Variants in ZNF217 observed in about 807,000 individuals in gnomAD.
The protein encoded by ZNF217 is zinc finger protein 217.
Under a neutral mutation model 73.3 loss-of-function variants are expected in ZNF217, and 12 were observed. The ratio of observed to expected loss-of-function variants is 0.16; its 90% CI spans 0.10 to 0.27. The LOEUF (loss-of-function observed/expected upper bound fraction) is 0.27. Among genes scored for constraint, ZNF217 ranks in the 10% least tolerant of loss-of-function variants. The pLI is 1.00. For synonymous variants in ZNF217, 588 were observed against 516.4 expected (o/e 1.14, Z -1.88); for missense variants, 1,195 against 1,327.8 (o/e 0.90, Z 1.55).
At chr20:53,592,934 G>A (rs1367026334) in intron 1 of ZNF217, among the ~76,000 whole-genome samples, 1 of 151,744 alleles carries the variant, frequency 6.6e-6, no homozygotes, top group Non-Finnish European at 1.5e-5. Flanking sequence ...TCTGCTTCCA[G>A]CTGGCTTTGG....
upstream of ZNF217, chr20:53,593,863 A>AGGGGGCGGG (rs1412175190): frequency 1.2e-4 from 2 of 16,430 alleles, no homozygotes; most frequent in Non-Finnish European, 1.3e-4. Context: ...CGCGGAGGGG[A>AGGGGGCGGG]GGGGGCGGGG....
intron 5 of ZNF217, among the ~76,000 whole-genome samples, chr20:53,571,210 A>G (rs1274013199): frequency 1.3e-5 from 2 of 152,184 alleles, no homozygotes; most frequent in African/African-American, 2.4e-5. Flanking sequence ...TTCAATGCCT[A>G]GCACAAAGTA....
rs144605820 is a variant in ZNF217, at chr20:53,591,199, A to G, written c.-343+2557T>C. On this transcript the variant is annotated intron_variant, in intron 1 of 5. Transcript: ENST00000371471. ...GGAATAGGAACCCAACACAACTGCT[A>G]AACTTCGATCTCACAAGTTACTAAA... Among the ~76,000 whole-genome samples, 588 of 152,320 alleles carry G rather than the reference A, an allele frequency of 3.9e-3. 3 individuals are homozygous for G. Among genetic ancestry groups the G allele is most frequent in the Non-Finnish European group, 7.2e-3 (492 of 68,024 alleles).
intron 3 of ZNF217, 51 bp downstream of exon 3, chr20:53,578,283 A>G (rs772071087): frequency 5.5e-6 from 7 of 1,271,706 alleles, no homozygotes; most frequent in Admixed American, 4.8e-5. Flanking sequence ...AAAAAATTAG[A>G]TAACTACATA....
In ZNF217 at chr20:53,582,968, C is replaced by A. The variant is rs1600725295; in HGVS notation, c.-142G>T. The stretch of plus-strand genomic sequence containing the variant: ...AAAAGTTCAAAAGAAAGTGTATAGT[C>A]CTCTAACTTCTTCGAACTTTTAGGA... On this transcript the variant is annotated 5_prime_UTR_variant, in exon 2 of 6. Coordinates refer to ENST00000371471, the MANE Select transcript of ZNF217 (RefSeq NM_006526.3). The surrounding 1 kb of genome is among the most constrained non-coding windows in gnomAD (Gnocchi z 4.8). 1 of 866,186 alleles carries A rather than the reference C, an allele frequency of 1.2e-6. No individual in the cohort carries two copies. Among genetic ancestry groups the A allele is most frequent in the South Asian group, 2.0e-5 (1 of 51,196 alleles). The allele number at this position is 866,186 out of a possible 1,614,324, so 53.7% of individuals were successfully genotyped here.
chr20:53,567,674 A>AT lies in ZNF217; in HGVS notation c.*1613dup. On this transcript the variant is annotated 3_prime_UTR_variant, in exon 6 of 6. Coordinates refer to ENST00000371471, the MANE Select transcript of ZNF217 (RefSeq NM_006526.3). ...AAAACAAAATCTAGATTATGTACAT[A>AT]TGGCTCAGCTTGTGAACAGGAAAAA... 6.6e-6 allele frequency: 1 copy of AT among 152,656 alleles called. No individual in the cohort carries two copies. The highest frequency in any genetic ancestry group is 1.5e-5 in the Non-Finnish European group (1 of 68,042). The allele number at this position is 152,656 out of a possible 1,614,324, so 9.5% of individuals were successfully genotyped here.
chr20:53,590,648 C>A (rs1489010166), intron 1 of ZNF217, among the ~76,000 whole-genome samples: 1 of 152,022 alleles, frequency 6.6e-6, no homozygotes, highest in Non-Finnish European at 1.5e-5. Flanking sequence ...TCTTTTGGGA[C>A]CCCTGAGGCT....
At chr20:53,577,384 T>C in intron 3 of ZNF217, 104 bp from the exon 4 acceptor site, 1 of 1,014,820 alleles carries the variant, frequency 9.9e-7, no homozygotes. Flanking sequence ...CCTTTTGCTT[T>C]CTCGATCTAC....
At position 53,576,971 on chromosome 20, in the gene ZNF217, T is replaced by C. The variant is rs1323627309; in HGVS notation, c.1793A>G (p.Asp598Gly). 6 of 1,614,118 alleles carry C rather than the reference T, an allele frequency of 3.7e-6. No individual in the cohort carries two copies. The East Asian group carries it at 1.3e-4, about 36-fold the overall frequency. Reference protein sequence around the residue: ...GSAVLSPAHKDTQDFHKNAAD... With the variant: ...GSAVLSPAHKGTQDFHKNAAD... ...TGCATTTTTATGGAAATCCTGAGTA[T>C]CTTTGTGTGCTGGTGAGAGGACAGC... The change falls in exon 4 of 6, where the codon GAT (aspartate) becomes GGT (glycine). Residue 598 changes from aspartate (D) to glycine (G), a missense_variant. Around this residue, in one of 9 missense-constraint regions of ZNF217, gnomAD observed 649 missense variants for 642.8 expected, o/e 1.01. Transcript: ENST00000371471.
At position 53,575,714 on chromosome 20, in the gene ZNF217, C is replaced by G. The variant is rs1706953932; in HGVS notation, c.3037+13G>C. The stretch of plus-strand genomic sequence containing the variant: ...TAGGCAGCCATTTAAACACGACGCC[C>G]CTCATGCAATACCTTCTAACGTCGA... On this transcript the variant is annotated intron_variant, in intron 4 of 5. Transcript: ENST00000371471. The G allele has an allele frequency of 1.9e-6, 3 of 1,547,632 alleles. No individual in the cohort carries two copies. Among genetic ancestry groups the G allele is most frequent in the Non-Finnish European group, 2.6e-6 (3 of 1,149,636 alleles).
Position 53,581,539 on chromosome 20 carries a change from C to T in ZNF217, c.1288G>A (p.Glu430Lys). 2 of 1,614,228 alleles carry T rather than the reference C, an allele frequency of 1.2e-6. No individual in the cohort carries two copies. Among genetic ancestry groups the T allele is most frequent in the Admixed American group, 1.7e-5 (1 of 60,030 alleles). Reference protein sequence around the residue: ...CSPDLAAPLDENGAVDRGEGG... With the variant: ...CSPDLAAPLDKNGAVDRGEGG... ...TCCCCTCGATCCACGGCTCCATTTT[C>T]ATCCAGAGGGGCGGCGAGGTCAGGA... Residue 430 changes from glutamate to lysine, a missense_variant, in exon 2 of 6, where the codon GAA becomes AAA. Physicochemically the swap from Glu to Lys is moderately conservative, Grantham distance 56. Transcript: ENST00000371471. The surrounding 1 kb of genome is among the most constrained non-coding windows in gnomAD (Gnocchi z 4.9).
Position 53,582,305 on chromosome 20 carries a change from G to A in ZNF217, c.522C>T (p.His174=). The change falls in exon 2 of 6, where the codon CAC becomes CAT. Residue 174 remains histidine (H), a synonymous_variant. Transcript: ENST00000371471. This position sits in a 1 kb window ranked among gnomAD's most constrained non-coding sequence, Gnocchi z 4.8. ...RFKEPWFLKN[H]MRTHNGKSGA... is the part of the protein sequence containing the mutation. Reference sequence around the variant, plus strand: ...CCGATTTGCCATTATGTGTCCGCATGTGATTTTTAAGAAACCAAGGCTCCT... The same window carrying A: ...CCGATTTGCCATTATGTGTCCGCATATGATTTTTAAGAAACCAAGGCTCCT... 1 of 1,609,356 alleles carries A rather than the reference G, an allele frequency of 6.2e-7. No homozygotes were observed. The highest frequency in any genetic ancestry group is 8.5e-7 in the Non-Finnish European group (1 of 1,177,740).
chr20:53,583,067 G>A lies in ZNF217; in HGVS notation c.-241C>T. On this transcript the variant is annotated 5_prime_UTR_variant, in exon 2 of 6. Transcript: ENST00000371471. ...GTTCCCAATGCCTCGATTCAAATAT[G>A]AATCAGCACAAAGCATTAGTTCTCT... The A allele has an allele frequency of 2.1e-6, 1 of 478,416 alleles. No individual in the cohort carries two copies. The highest frequency in any genetic ancestry group is 2.0e-5 in the African/African-American group (1 of 50,748). The allele number at this position is 478,416 out of a possible 1,614,324, so 29.6% of individuals were successfully genotyped here.
intron 1 of ZNF217, among the ~76,000 whole-genome samples, chr20:53,584,611 T>C (rs1292873102): frequency 6.6e-6 from 1 of 152,228 alleles, no homozygotes; most frequent in Admixed American, 6.5e-5. Flanking sequence ...ACCCGAGTTC[T>C]AGTCACAACC....
chr20:53,570,011 G>A (rs139602748), intron 5 of ZNF217, among the ~76,000 whole-genome samples: 57 of 152,172 alleles, frequency 3.7e-4, no homozygotes, highest in African/African-American at 1.3e-3. Flanking sequence ...CAAAGACAGA[G>A]CAGGCAGGAT....
intron 4 of ZNF217, chr20:53,574,995 CCACT>C (rs1203728392): frequency 1.3e-5 from 2 of 152,010 alleles, no homozygotes. Context: ...GTGTTCTCAC[CCACT>C]GTTTCCATGA....
chr20:53,571,952 T>TAA (rs1988030331), intron 4 of ZNF217, 99 bp from the exon 5 acceptor site: 2 of 1,252,744 alleles, frequency 1.6e-6, no homozygotes, highest in African/African-American at 3.1e-5. Context: ...CTGACACTGA[T>TAA]AATGTAATCA....
chr20:53,582,293 A>G lies in ZNF217; in HGVS notation c.534T>C (p.His178=), dbSNP rs1392486967. ...PWFLKNHMRT[H]NGKSGARSKL... ...TGCTTCTGGCCCCCGATTTGCCATTATGTGTCCGCATGTGATTTTTAAGAA... is the reference window on the plus strand; with the variant it reads ...TGCTTCTGGCCCCCGATTTGCCATTGTGTGTCCGCATGTGATTTTTAAGAA... The change falls in exon 2 of 6, where the codon CAT becomes CAC. Residue 178 remains histidine (H), a synonymous_variant. Coordinates refer to ENST00000371471, the MANE Select transcript of ZNF217 (RefSeq NM_006526.3). This position sits in a 1 kb window ranked among gnomAD's most constrained non-coding sequence, Gnocchi z 4.8. 1.9e-6 allele frequency: 3 copies of G among 1,607,450 alleles called. No homozygotes were observed. The highest frequency in any genetic ancestry group is 2.7e-5 in the African/African-American group (2 of 74,534).
chr20:53,572,678 C>A (rs966310527), intron 4 of ZNF217: 10 of 152,144 alleles, frequency 6.6e-5, no homozygotes, highest in African/African-American at 2.4e-4. Context: ...AGTGTTGTCA[C>A]CACACAGAAT....
Sources: gnomAD v4.1 joint callset for allele counts (sites outside exome capture counted in the v4.1 genomes callset) on GRCh38, gnomAD v4.1.1 for gene constraint, gnomAD v4.1.1 regional missense constraint, Gnocchi (gnomAD v3.1) non-coding constraint, MANE v1.5 for transcripts, NCBI Gene and HGNC (gene_info 2026-07-23, HGNC 2026-07-21) for gene names.